RNPC3: variants seen among roughly 807,000 people sequenced by gnomAD.
RNPC3 encodes RNA-binding region-containing protein 3.
In RNPC3, 48 loss-of-function variants were observed where a neutral mutation model predicts 67.5. That is an observed-to-expected ratio of 0.71 (90% CI 0.56 to 0.90). The LOEUF is 0.90. RNPC3 is among the 40% of genes least tolerant of loss of function. The probability of loss-of-function intolerance (pLI) is 0.00; values close to 1 mark genes in which losing one functional copy is unlikely to be tolerated. For missense variants in RNPC3, 637 were observed against 626.1 expected, an observed-to-expected ratio of 1.02 and a Z score of -0.19; for synonymous variants, 239 against 210.3, an observed-to-expected ratio of 1.14 and a Z score of -1.18.
chr1:103,525,699 G>A lies in RNPC3; in HGVS notation c.-372G>A, dbSNP rs1474168518. ...TGTGACGGTCCCAGCCCGCACATGC[G>A]CAGTCGTGAGTCCTCTTGTCCTTGA... On this transcript the variant is annotated 5_prime_UTR_variant, in exon 1 of 15. Coordinates refer to ENST00000423855, the MANE Select transcript of RNPC3 (RefSeq NM_017619.4). 3 of 152,088 alleles carry A rather than the reference G, an allele frequency of 2.0e-5. No individual in the cohort carries two copies. The highest frequency in any genetic ancestry group is 7.3e-5 in the African/African-American group (3 of 41,174). The allele number at this position is 152,088 out of a possible 1,614,324, so 9.4% of individuals were successfully genotyped here.
chr1:103,551,093 A>G lies in RNPC3; in HGVS notation c.1494+20A>G, dbSNP rs371814653. The G allele has an allele frequency of 4.1e-5, 64 of 1,560,566 alleles. No individual in the cohort carries two copies. Among genetic ancestry groups the G allele is most frequent in the Non-Finnish European group, 4.9e-5 (57 of 1,153,266 alleles). The stretch of plus-strand genomic sequence containing the variant: ...GTGGTTGTATCCTTTAAATCCATCT[A>G]TTTCAAAACTATATAATTTTTAGAA... On this transcript the variant is annotated intron_variant, in intron 13 of 14. Transcript: ENST00000423855.
intron 7 of RNPC3, among the ~76,000 whole-genome samples, chr1:103,538,272 T>C: frequency 6.6e-6 from 1 of 152,208 alleles, no homozygotes; most frequent in East Asian, 1.9e-4. Flanking sequence ...TTGTTTCAGT[T>C]CTTATACTAC....
chr1:103,526,247 A>T lies in RNPC3; in HGVS notation c.177A>T (p.Ser59=), dbSNP rs546911680. Residue 59 remains serine (S), a synonymous_variant, in exon 1 of 15, where the codon TCA becomes TCT. Coordinates refer to ENST00000423855, the MANE Select transcript of RNPC3 (RefSeq NM_017619.4). ...YFGAQSVRVL[S]DKGRLKHTAF... ...GGGCTCAGTCTGTGCGGGTCCTGTCAGATAAGGGGCGACTGGTAAGGGCGC... is the reference window on the plus strand; with the variant it reads ...GGGCTCAGTCTGTGCGGGTCCTGTCTGATAAGGGGCGACTGGTAAGGGCGC... 6.3e-5 allele frequency: 98 copies of T among 1,544,860 alleles called. No individual in the cohort carries two copies. In the African/African-American group the frequency reaches 1.2e-3, roughly 18 times the overall value.
Position 103,547,001 on chromosome 1 carries a change from T to C in RNPC3, c.1327T>C (p.Tyr443His). 4 of 1,493,760 alleles carry C rather than the reference T, an allele frequency of 2.7e-6. No individual in the cohort carries two copies. Among genetic ancestry groups the C allele is most frequent in the Non-Finnish European group, 3.6e-6 (4 of 1,113,542 alleles). 92.5% of individuals were successfully genotyped at this position (1,493,760 alleles called of 1,614,324 possible). Residue 443 changes from tyrosine (Y) to histidine (H), a missense_variant, in exon 12 of 15, where the codon TAT becomes CAT. By Grantham distance (83) the Tyr-to-His change is moderately conservative (BLOSUM62 2). Transcript: ENST00000423855. ...GGACCTTAAATATATTTTTGGAAGA[T>C]ATGTTGACTTTTCATCAGAAACACA... Reference protein sequence around the residue: ...EKDLKYIFGRYVDFSSETQRI... With the variant: ...EKDLKYIFGRHVDFSSETQRI...
chr1:103,541,444 A>G lies in RNPC3; in HGVS notation c.862A>G (p.Met288Val). 5 of 1,496,468 alleles carry G rather than the reference A, an allele frequency of 3.3e-6. No individual in the cohort carries two copies. Among genetic ancestry groups the G allele is most frequent in the Non-Finnish European group, 4.4e-6 (5 of 1,132,938 alleles). 92.7% of individuals were successfully genotyped at this position (1,496,468 alleles called of 1,614,324 possible). The change falls in exon 8 of 15, where the codon ATG becomes GTG. Residue 288 changes from methionine (M) to valine (V), a missense_variant. This residue lies in a region of RNPC3 where 536 missense variants were observed against 500.3 expected (regional missense o/e 1.07). Coordinates refer to ENST00000423855, the MANE Select transcript of RNPC3 (RefSeq NM_017619.4). The stretch of plus-strand genomic sequence containing the variant: ...GAGAAAAAAGAGAAAAATAAAGGAT[A>G]TGTTGAATACACCTTTGTGTCCTTC... ...HVRKKRKIKD[M>V]LNTPLCPSHS...
chr1:103,526,919 C>T (rs566272195), intron 1 of RNPC3, among the ~76,000 whole-genome samples: 8 of 151,676 alleles, frequency 5.3e-5, no homozygotes, highest in African/African-American at 1.9e-4. Flanking sequence ...TTAAAGTTTC[C>T]CTAGGTGATT....
At chr1:103,545,274 T>C (rs1020065747) in intron 10 of RNPC3, 172 bp downstream of exon 10, 35 of 525,670 alleles carry the variant, frequency 6.7e-5, no homozygotes, top group Non-Finnish European at 1.1e-4. Flanking sequence ...ACTCATACTT[T>C]ATAGTGGAGG....
intron 12 of RNPC3, among the ~76,000 whole-genome samples, chr1:103,550,403 G>A (rs1034415214): frequency 6.6e-6 from 1 of 151,864 alleles, no homozygotes; most frequent in African/African-American, 2.4e-5. Flanking sequence ...GGAGGCCGAG[G>A]CGGGCAGATC....
intron 7 of RNPC3, 23 bp downstream of exon 7, chr1:103,537,507 T>A: frequency 6.6e-7 from 1 of 1,525,376 alleles, no homozygotes; most frequent in Non-Finnish European, 8.8e-7. Context: ...AAAAATTTGT[T>A]TAGTTTCCAA....
chr1:103,537,142 C>G (rs1349232500), intron 6 of RNPC3, among the ~76,000 whole-genome samples, 200 bp from the exon 7 acceptor site: 1 of 151,474 alleles, frequency 6.6e-6, no homozygotes, highest in Non-Finnish European at 1.5e-5. Context: ...AAATTTAGTT[C>G]AGCTGAGGGT....
chr1:103,527,638 TC>T (rs1175908882), intron 1 of RNPC3, 56 bp from the exon 2 acceptor site: 16 of 1,340,180 alleles, frequency 1.2e-5, no homozygotes, highest in Non-Finnish European at 1.7e-5. Context: ...AAGTCAGATT[TC>T]TTTGTGAGAA....
intron 14 of RNPC3, 59 bp downstream of exon 14, chr1:103,551,851 A>C (rs991677119): frequency 3.1e-6 from 3 of 971,670 alleles, no homozygotes; most frequent in Non-Finnish European, 3.0e-6. Context: ...AAAATTAAGA[A>C]TAAAAGTTTG....
In RNPC3 at chr1:103,526,236, C is replaced by T. The variant is rs1045400661; in HGVS notation, c.166C>T (p.Arg56Trp). 1.9e-6 allele frequency: 3 copies of T among 1,549,364 alleles called. No homozygotes were observed. The African/African-American group carries it at 4.1e-5, about 21-fold the overall frequency. ...LLKYFGAQSV[R>W]VLSDKGRLKH... is the part of the protein sequence containing the mutation. ...GAAGTACTTCGGGGCTCAGTCTGTG[C>T]GGGTCCTGTCAGATAAGGGGCGACT... The change falls in exon 1 of 15, where the codon CGG becomes TGG. Residue 56 changes from arginine to tryptophan, a missense_variant. By Grantham distance (101) the Arg-to-Trp change is moderately radical. This residue lies in a region of RNPC3 where 536 missense variants were observed against 500.3 expected (regional missense o/e 1.07). Transcript: ENST00000423855.
At chr1:103,529,061 G>T (rs183878833) in intron 2 of RNPC3, among the ~76,000 whole-genome samples, 51 of 152,214 alleles carry the variant, frequency 3.4e-4, no homozygotes, top group African/African-American at 1.1e-3. Flanking sequence ...CCCAGATAGA[G>T]TACATGAATA....
intron 12 of RNPC3, among the ~76,000 whole-genome samples, chr1:103,548,897 G>A (rs567219753): frequency 1.3e-5 from 2 of 152,298 alleles, no homozygotes; most frequent in African/African-American, 4.8e-5. Flanking sequence ...CGGAGGGCAA[G>A]GAGGAGCAAG....
intron 2 of RNPC3, among the ~76,000 whole-genome samples, chr1:103,529,647 A>C (rs1263807822): frequency 6.6e-6 from 1 of 152,180 alleles, no homozygotes; most frequent in African/African-American, 2.4e-5. Flanking sequence ...AGGTTAGATG[A>C]CCTTCATTTC....
intron 7 of RNPC3, 143 bp from the exon 8 acceptor site, chr1:103,541,207 G>T (rs1651117719): frequency 4.1e-6 from 2 of 492,558 alleles, no homozygotes; most frequent in Non-Finnish European, 6.7e-6. Flanking sequence ...TTAATTGATG[G>T]TGTTCTATAT....
chr1:103,529,745 TATG>T (rs1218843451), intron 2 of RNPC3, among the ~76,000 whole-genome samples: 1 of 152,182 alleles, frequency 6.6e-6, no homozygotes. Flanking sequence ...ATTAACTTTG[TATG>T]ATGATGTAAG....
Position 103,541,142 on chromosome 1 carries a change from A to G in RNPC3, c.768-208A>G, listed in dbSNP as rs577371874. 3.9e-5 allele frequency among the ~76,000 whole-genome samples: 6 copies of G among 152,276 alleles called. No homozygotes were observed. The East Asian group carries it at 1.2e-3, about 29-fold the overall frequency. The stretch of plus-strand genomic sequence containing the variant: ...CTATTTTTAATTTTTTCTAAGTAAG[A>G]TGAAAGCTAAGCAAGGCAATTTAGT... On this transcript the variant is annotated intron_variant, in intron 7 of 14. Coordinates refer to ENST00000423855, the MANE Select transcript of RNPC3 (RefSeq NM_017619.4).
Sources: allele counts gnomAD v4.1 joint callset (sites outside exome capture counted in the v4.1 genomes callset), GRCh38; gene constraint gnomAD v4.1.1; regional missense constraint gnomAD v4.1.1; transcripts MANE v1.5; gene names NCBI Gene and HGNC (gene_info 2026-07-23, HGNC 2026-07-21).